The following ENPP3 variants were observed in gnomAD, a reference collection of about 807,000 sequenced individuals.
ENPP3 encodes ectonucleotide pyrophosphatase/phosphodiesterase 3, also known as ectonucleotide pyrophosphatase/phosphodiesterase family member 3.
A neutral mutation model predicts 117.8 loss-of-function variants in ENPP3; 104 were observed. The ratio of observed to expected loss-of-function variants is 0.88; its 90% CI spans 0.75 to 1.04. ENPP3 has a LOEUF of 1.04. Ranked by LOEUF, ENPP3 falls within the 50% of genes least tolerant of loss-of-function variation. The probability of loss-of-function intolerance (pLI) is 0.00; values close to 1 mark genes in which losing one functional copy is unlikely to be tolerated. For missense variants in ENPP3, 1,026 were observed against 1,051.9 expected (o/e 0.98, Z 0.34); for synonymous variants, 380 against 349.9 (o/e 1.09, Z -0.96).
intron 1 of ENPP3, among the ~76,000 whole-genome samples, chr6:131,639,953 C>T (rs570052546): frequency 6.6e-6 from 1 of 152,070 alleles, no homozygotes. Context: ...ATAGTGAGAC[C>T]TCCAACTCTA....
chr6:131,643,199 T>C (rs947652222), intron 2 of ENPP3, among the ~76,000 whole-genome samples: 3 of 152,256 alleles, frequency 2.0e-5, no homozygotes, highest in Non-Finnish European at 2.9e-5. Context: ...GTTGTGTTTC[T>C]GGGCCATAGT....
intron 9 of ENPP3, 55 bp from the exon 10 acceptor site, chr6:131,676,681 G>A: frequency 8.7e-7 from 1 of 1,153,462 alleles, no homozygotes; most frequent in Non-Finnish European, 1.3e-6. Flanking sequence ...GAATGTAATG[G>A]AGTTATTCTT....
At chr6:131,668,138 T>A (rs1307518693) in intron 6 of ENPP3, among the ~76,000 whole-genome samples, 1 of 151,976 alleles carries the variant, frequency 6.6e-6, no homozygotes, top group East Asian at 1.9e-4. Flanking sequence ...TATTTCATTA[T>A]GCCAGTCTTA....
intron 20 of ENPP3, among the ~76,000 whole-genome samples, chr6:131,727,572 AAAAAAAC>A (rs1780183525): frequency 6.6e-6 from 1 of 151,800 alleles, no homozygotes. Flanking sequence ...AAAAAAAAAA[AAAAAAAC>A]AGCAACAAAA....
intron 21 of ENPP3, among the ~76,000 whole-genome samples, chr6:131,735,029 A>G (rs180911017): frequency 7.2e-5 from 11 of 152,162 alleles, no homozygotes; most frequent in Admixed American, 7.2e-4. Context: ...TAAAATTAAT[A>G]ATTAAACAAC....
At chr6:131,741,295 C>T (rs1053340887) in intron 24 of ENPP3, among the ~76,000 whole-genome samples, 2 of 152,110 alleles carry the variant, frequency 1.3e-5, no homozygotes, top group African/African-American at 4.8e-5. Flanking sequence ...AGGAGGAACA[C>T]ATTGTCCCTG....
At chr6:131,640,083 A>C (rs1325286891) in intron 1 of ENPP3, among the ~76,000 whole-genome samples, 1 of 152,234 alleles carries the variant, frequency 6.6e-6, no homozygotes, top group Non-Finnish European at 1.5e-5. Context: ...AACAGATTCT[A>C]ACATTAAATA....
chr6:131,671,945 G>A (rs1778752104), intron 7 of ENPP3, among the ~76,000 whole-genome samples: 1 of 152,146 alleles, frequency 6.6e-6, no homozygotes, highest in Admixed American at 6.5e-5. Context: ...AAGGATATTT[G>A]TGTCTTCATT....
intron 9 of ENPP3, 23 bp downstream of exon 9, chr6:131,675,212 T>A (rs1370653022): frequency 7.8e-7 from 1 of 1,282,248 alleles, no homozygotes; most frequent in East Asian, 2.3e-5. Flanking sequence ...TTTCAGATAT[T>A]CTCCCAGCTA....
intron 19 of ENPP3, among the ~76,000 whole-genome samples, chr6:131,725,425 G>A (rs6909448): frequency 0.2 from 30,141 of 151,932 alleles, 4,981 homozygotes; most frequent in African/African-American, 0.43. Context: ...CTCTGAGCTC[G>A]TATAGTGGAA....
chr6:131,677,373 T>C (rs1383618525), intron 10 of ENPP3, among the ~76,000 whole-genome samples: 1 of 152,138 alleles, frequency 6.6e-6, no homozygotes, highest in Non-Finnish European at 1.5e-5. Flanking sequence ...AGATATGGAA[T>C]GGAGCAGAGC....
intron 6 of ENPP3, among the ~76,000 whole-genome samples, chr6:131,667,758 G>T (rs143807170): frequency 6.6e-6 from 1 of 152,276 alleles, no homozygotes; most frequent in African/African-American, 2.4e-5. Context: ...GTAGTTTCTG[G>T]GTTTCTCACA....
intron 11 of ENPP3, among the ~76,000 whole-genome samples, chr6:131,682,739 T>C (rs993928205): frequency 1.3e-4 from 20 of 152,248 alleles, no homozygotes; most frequent in African/African-American, 4.8e-4. Context: ...CTCTTCTTTC[T>C]AACTGAGAGC....
intron 5 of ENPP3, 34 bp downstream of exon 5, chr6:131,652,925 C>T: frequency 6.9e-7 from 1 of 1,453,054 alleles, no homozygotes; most frequent in African/African-American, 1.4e-5. Flanking sequence ...TTTTATCCTC[C>T]TTTAACAAAG....
At chr6:131,724,408 C>T (rs189221914) in intron 19 of ENPP3, among the ~76,000 whole-genome samples, 80 of 152,262 alleles carry the variant, frequency 5.3e-4, no homozygotes, top group Non-Finnish European at 8.1e-4. Context: ...CTGGTGCTTC[C>T]TGGCTGTGTG....
chr6:131,736,832 A>C (rs1054095669), intron 21 of ENPP3, among the ~76,000 whole-genome samples: 1 of 152,200 alleles, frequency 6.6e-6, no homozygotes, highest in Non-Finnish European at 1.5e-5. Flanking sequence ...CAGAAGGCTA[A>C]AGTCAAGGTG....
chr6:131,689,679 C>A (rs1454134339), intron 14 of ENPP3, among the ~76,000 whole-genome samples: 2 of 152,196 alleles, frequency 1.3e-5, no homozygotes, highest in African/African-American at 4.8e-5. Context: ...GCAATTTTAA[C>A]TTTCAAGTCT....
intron 19 of ENPP3, 135 bp downstream of exon 19, chr6:131,724,226 T>TAAAAAAA (rs397941468): frequency 9.4e-6 from 4 of 424,286 alleles, no homozygotes; most frequent in African/African-American, 7.0e-5. Flanking sequence ...ATACAAAAGG[T>TAAAAAAA]AAAAAAAAAA....
chr6:131,693,869 G>T (rs1175731687), intron 15 of ENPP3, among the ~76,000 whole-genome samples: 1 of 151,940 alleles, frequency 6.6e-6, no homozygotes, highest in Non-Finnish European at 1.5e-5. Flanking sequence ...TGTGCCCAGG[G>T]ACTGTAAGTG....
Sources: allele counts gnomAD v4.1 joint callset (sites outside exome capture counted in the v4.1 genomes callset), GRCh38; gene constraint gnomAD v4.1.1; transcripts MANE v1.5; gene names NCBI Gene and HGNC (gene_info 2026-07-23, HGNC 2026-07-21).